The following SGCZ variants were observed in gnomAD, a reference collection of about 807,000 sequenced individuals.
The protein encoded by SGCZ is zeta-sarcoglycan.
In SGCZ, 40 loss-of-function variants were observed where a neutral mutation model predicts 41.3. The ratio of observed to expected loss-of-function variants is 0.97; its 90% CI spans 0.75 to 1.26. SGCZ has a LOEUF of 1.26. Ranked by LOEUF, SGCZ falls within the 50% of genes most tolerant of loss-of-function variation. SGCZ has a pLI of 0.00. For missense variants in SGCZ, 552 were observed against 369.8 expected, an observed-to-expected ratio of 1.49 and a Z score of -4.04; for synonymous variants, 206 against 137.5, an observed-to-expected ratio of 1.50 and a Z score of -3.49.
At chr8:14,413,452 T>G (rs531900652) in intron 2 of SGCZ, among the ~76,000 whole-genome samples, 33 of 152,118 alleles carry the variant, frequency 2.2e-4, no homozygotes, top group Middle Eastern at 3.4e-3. Flanking sequence ...CTTTCCTCTT[T>G]TAAGATTTCT....
At chr8:14,748,656 G>C (rs1799409778) in intron 1 of SGCZ, among the ~76,000 whole-genome samples, 1 of 152,138 alleles carries the variant, frequency 6.6e-6, no homozygotes, top group Non-Finnish European at 1.5e-5. Flanking sequence ...AGAGAGATCT[G>C]ATTTCTTCAT....
At chr8:14,554,466 T>A (rs1803968447) in intron 2 of SGCZ, among the ~76,000 whole-genome samples, 1 of 152,062 alleles carries the variant, frequency 6.6e-6, no homozygotes, top group Non-Finnish European at 1.5e-5. Flanking sequence ...GGTTAAATGT[T>A]CTTGAAATGT....
chr8:14,942,147 G>A (rs1268132906), intron 1 of SGCZ, among the ~76,000 whole-genome samples: 1 of 151,974 alleles, frequency 6.6e-6, no homozygotes, highest in East Asian at 1.9e-4. Context: ...TCTGGGTCCA[G>A]GATCTGGTAC....
At chr8:14,600,730 T>C (rs1162931645) in intron 1 of SGCZ, among the ~76,000 whole-genome samples, 1 of 152,182 alleles carries the variant, frequency 6.6e-6, no homozygotes, top group Non-Finnish European at 1.5e-5. Flanking sequence ...AATATACACA[T>C]GCATCATTTT....
chr8:15,201,466 C>G (rs1350532130), intron 1 of SGCZ, among the ~76,000 whole-genome samples: 2 of 152,192 alleles, frequency 1.3e-5, no homozygotes, highest in Non-Finnish European at 2.9e-5. Context: ...TTTCACTTCA[C>G]AGGTAAAGAG....
intron 2 of SGCZ, among the ~76,000 whole-genome samples, chr8:14,492,055 TA>T (rs1460960578): frequency 9.9e-5 from 15 of 152,100 alleles, no homozygotes; most frequent in African/African-American, 3.1e-4. Flanking sequence ...TGATTGAGAA[TA>T]AAAAACGAGA....
chr8:14,221,347 C>A (rs553415539), intron 4 of SGCZ, among the ~76,000 whole-genome samples: 1 of 152,196 alleles, frequency 6.6e-6, no homozygotes, highest in African/African-American at 2.4e-5. Context: ...AATTTACACA[C>A]ATGGTTTATA....
intron 1 of SGCZ, among the ~76,000 whole-genome samples, chr8:15,088,932 C>T (rs1806049279): frequency 6.6e-6 from 1 of 152,122 alleles, no homozygotes; most frequent in African/African-American, 2.4e-5. Context: ...TTCTCATTTT[C>T]CTTAGAATTT....
chr8:14,294,347 T>C (rs1239007054), intron 3 of SGCZ, among the ~76,000 whole-genome samples: 1 of 151,850 alleles, frequency 6.6e-6, no homozygotes, highest in East Asian at 1.9e-4. Flanking sequence ...AGTCACAAAC[T>C]TTTTTGTGAC....
At chr8:14,771,795 C>A (rs1171059788) in intron 1 of SGCZ, among the ~76,000 whole-genome samples, 1 of 151,992 alleles carries the variant, frequency 6.6e-6, no homozygotes, top group South Asian at 2.1e-4. Flanking sequence ...CCCAAAGATA[C>A]ATTAATGATA....
intron 1 of SGCZ, among the ~76,000 whole-genome samples, chr8:15,225,356 A>G (rs1048043568): frequency 2.0e-5 from 3 of 152,208 alleles, no homozygotes; most frequent in Admixed American, 6.5e-5. Context: ...TTACTGGTCA[A>G]TAAGTAGGAA....
chr8:15,051,034 G>A (rs1200850121), intron 1 of SGCZ, among the ~76,000 whole-genome samples: 1 of 152,136 alleles, frequency 6.6e-6, no homozygotes, highest in Non-Finnish European at 1.5e-5. Flanking sequence ...ATTCAGTTAA[G>A]AGGTTCTCAT....
chr8:15,165,543 G>A (rs1045066157), intron 1 of SGCZ, among the ~76,000 whole-genome samples: 13 of 152,050 alleles, frequency 8.5e-5, no homozygotes, highest in Admixed American at 3.3e-4. Context: ...TAACTACCCC[G>A]CAACTAAGAA....
chr8:14,100,678 C>T (rs1383447681), intron 7 of SGCZ, among the ~76,000 whole-genome samples: 1 of 149,892 alleles, frequency 6.7e-6, no homozygotes, highest in Admixed American at 6.7e-5. Flanking sequence ...ATAATATCTG[C>T]TAACACTCTA....
chr8:14,681,947 A>G (rs1457527882), intron 1 of SGCZ, among the ~76,000 whole-genome samples: 3 of 151,986 alleles, frequency 2.0e-5, no homozygotes, highest in Non-Finnish European at 2.9e-5. Flanking sequence ...TTTAATATTA[A>G]TAATAAATAA....
intron 1 of SGCZ, among the ~76,000 whole-genome samples, chr8:14,621,787 C>T (rs1806294959): frequency 6.6e-6 from 1 of 152,064 alleles, no homozygotes; most frequent in African/African-American, 2.4e-5. Context: ...CCAGTTCTCT[C>T]CCCTGACAAG....
At chr8:14,344,847 T>C (rs893085360) in intron 2 of SGCZ, among the ~76,000 whole-genome samples, 2 of 151,682 alleles carry the variant, frequency 1.3e-5, no homozygotes, top group African/African-American at 4.9e-5. Flanking sequence ...AATTTTTTTT[T>C]AATAATCTCA....
At chr8:14,865,188 C>G (rs1803884894) in intron 1 of SGCZ, among the ~76,000 whole-genome samples, 1 of 152,070 alleles carries the variant, frequency 6.6e-6, no homozygotes, top group Non-Finnish European at 1.5e-5. Flanking sequence ...TGACTCCCAG[C>G]TACACCACCA....
intron 1 of SGCZ, among the ~76,000 whole-genome samples, chr8:14,721,047 C>T (rs1270400265): frequency 6.6e-6 from 1 of 150,622 alleles, no homozygotes; most frequent in Non-Finnish European, 1.5e-5. Context: ...TGCAATTTTT[C>T]ACTTGCTTTC....
Sources: gnomAD v4.1 joint callset for allele counts (sites outside exome capture counted in the v4.1 genomes callset) on GRCh38, gnomAD v4.1.1 for gene constraint, MANE v1.5 for transcripts, NCBI Gene and HGNC (gene_info 2026-07-23, HGNC 2026-07-21) for gene names.